Variants in KLHL29 observed in about 807,000 individuals in gnomAD.
KLHL29 encodes kelch-like protein 29.
KLHL29 carries 21 observed loss-of-function variants against 80.4 expected under a neutral mutation model. That is an observed-to-expected ratio of 0.26 (90% CI 0.19 to 0.38). The LOEUF is 0.38. Ranked by LOEUF, KLHL29 falls within the 10% of genes least tolerant of loss-of-function variation. The pLI, the probability that KLHL29 is intolerant of heterozygous loss-of-function variation, is 1.00. For missense variants in KLHL29, 867 were observed against 1,223.9 expected, an observed-to-expected ratio of 0.71 and a Z score of 4.35; for synonymous variants, 511 against 526.8, an observed-to-expected ratio of 0.97 and a Z score of 0.41.
At chr2:23,609,951 T>C (rs1668818345) in intron 3 of KLHL29, among the ~76,000 whole-genome samples, 1 of 152,108 alleles carries the variant, frequency 6.6e-6, no homozygotes, top group Non-Finnish European at 1.5e-5. Flanking sequence ...CACTACTGTC[T>C]TCAGTGACAT....
chr2:23,510,865 A>C (rs1273137252), intron 2 of KLHL29, among the ~76,000 whole-genome samples: 1 of 152,228 alleles, frequency 6.6e-6, no homozygotes, highest in East Asian at 1.9e-4. Flanking sequence ...GGGGGACAGC[A>C]CGTCACTGCC....
At chr2:23,498,207 G>A (rs1231432511) in intron 2 of KLHL29, among the ~76,000 whole-genome samples, 1 of 152,192 alleles carries the variant, frequency 6.6e-6, no homozygotes, top group East Asian at 1.9e-4. Context: ...AGGTTTGTTT[G>A]TTTTGGATGT....
At chr2:23,580,168 A>C (rs1287500107) in intron 3 of KLHL29, among the ~76,000 whole-genome samples, 1 of 151,944 alleles carries the variant, frequency 6.6e-6, no homozygotes, top group Non-Finnish European at 1.5e-5. Flanking sequence ...CAGGAGATCA[A>C]GACCATCCTG....
intron 5 of KLHL29, among the ~76,000 whole-genome samples, chr2:23,671,149 C>T (rs1441786221): frequency 6.6e-6 from 1 of 151,754 alleles, no homozygotes; most frequent in Admixed American, 6.6e-5. Flanking sequence ...GGTAACTAAA[C>T]TGATTGTACT....
intron 3 of KLHL29, among the ~76,000 whole-genome samples, chr2:23,569,615 A>T (rs1278728828): frequency 2.0e-5 from 3 of 151,874 alleles, no homozygotes; most frequent in Non-Finnish European, 4.4e-5. Context: ...CATTTATAAC[A>T]TTTTTTTTAT....
intron 1 of KLHL29, among the ~76,000 whole-genome samples, chr2:23,454,558 C>T (rs1047603526): frequency 3.3e-5 from 5 of 151,940 alleles, no homozygotes; most frequent in African/African-American, 7.3e-5. Context: ...TACAAAATCC[C>T]GGTTTTATTT....
chr2:23,527,658 C>G (rs530194099), intron 2 of KLHL29, among the ~76,000 whole-genome samples: 2 of 152,178 alleles, frequency 1.3e-5, no homozygotes, highest in Admixed American at 1.3e-4. Flanking sequence ...TCAGTGTTCT[C>G]GAGTTCCAAA....
chr2:23,478,824 G>A (rs963573529), intron 2 of KLHL29, among the ~76,000 whole-genome samples: 2 of 152,008 alleles, frequency 1.3e-5, no homozygotes, highest in Admixed American at 6.5e-5. Flanking sequence ...CCTAGATGCC[G>A]CCTGTGTCTT....
intron 2 of KLHL29, among the ~76,000 whole-genome samples, chr2:23,496,335 G>A (rs1456994956): frequency 6.6e-6 from 1 of 152,182 alleles, no homozygotes; most frequent in East Asian, 1.9e-4. Flanking sequence ...ACAATGAAAT[G>A]AACACACATG....
chr2:23,606,166 G>GT (rs1668717962), intron 3 of KLHL29, among the ~76,000 whole-genome samples: 1 of 124,092 alleles, frequency 8.1e-6, no homozygotes, highest in Non-Finnish European at 1.7e-5. Context: ...ATGTGTGTGT[G>GT]TGTGCGTGAG....
Position 23,663,039 on chromosome 2 carries a change from A to G in KLHL29, c.940+20189A>G, listed in dbSNP as rs528555421. Among the ~76,000 whole-genome samples the G allele has an allele frequency of 7.2e-5, 11 of 152,154 alleles. No homozygotes were observed. In the East Asian group the frequency reaches 2.1e-3, roughly 29 times the overall value. Reference sequence around the variant, plus strand: ...GTCATAGAGCTGCCCTGAGGATTCCAAGAGTGGATCTCATCAGCGGTCTCC... The same window carrying G: ...GTCATAGAGCTGCCCTGAGGATTCCGAGAGTGGATCTCATCAGCGGTCTCC... On this transcript the variant is annotated intron_variant, in intron 5 of 13. Transcript: ENST00000486442.
At position 23,590,328 on chromosome 2, in the gene KLHL29, C is replaced by T. The variant is rs528574859; in HGVS notation, c.285+27847C>T. On this transcript the variant is annotated intron_variant, in intron 3 of 13. Transcript: ENST00000486442. ...GCAGAGTTCTAGCTTCTGGTTTTCTCGAAGGCCCTCGGTCGGGCAGGTCCT... is the reference window on the plus strand; with the variant it reads ...GCAGAGTTCTAGCTTCTGGTTTTCTTGAAGGCCCTCGGTCGGGCAGGTCCT... Among the ~76,000 whole-genome samples, 39 of 152,324 alleles carry T rather than the reference C, an allele frequency of 2.6e-4. No individual in the cohort carries two copies. The South Asian group carries it at 7.7e-3, about 30-fold the overall frequency.
intron 1 of KLHL29, among the ~76,000 whole-genome samples, chr2:23,390,442 CA>C (rs1385037120): frequency 1.3e-5 from 2 of 152,084 alleles, no homozygotes; most frequent in African/African-American, 4.8e-5. Context: ...ATTGGCCTCA[CA>C]GGTGTCTATT....
At chr2:23,459,523 A>C (rs956914847) in intron 1 of KLHL29, among the ~76,000 whole-genome samples, 2 of 152,192 alleles carry the variant, frequency 1.3e-5, no homozygotes, top group Admixed American at 1.3e-4. Flanking sequence ...TGATTCGGCA[A>C]AATGGGGAAA....
chr2:23,582,632 T>G (rs565715113), intron 3 of KLHL29, among the ~76,000 whole-genome samples: 3 of 152,328 alleles, frequency 2.0e-5, no homozygotes, highest in African/African-American at 7.2e-5. Flanking sequence ...AACCCTGTTC[T>G]TGGCTCACCT....
chr2:23,697,219 C>G (rs762868846), intron 11 of KLHL29: 1 of 152,270 alleles, frequency 6.6e-6, no homozygotes, highest in African/African-American at 2.4e-5. Context: ...GCATGAGGGG[C>G]GTGGGCTGAA....
At position 23,680,446 on chromosome 2, in the gene KLHL29, A is replaced by T. The variant is rs1405312448; in HGVS notation, c.941-3953A>T. Among the ~76,000 whole-genome samples the T allele has an allele frequency of 1.3e-5, 2 of 152,194 alleles. No homozygotes were observed. The highest frequency in any genetic ancestry group is 2.9e-5 in the Non-Finnish European group (2 of 68,032). ...TTCCGTGAGCAAGGCCAGGGTGTGC[A>T]GTCCCACAGACGTAGGCGGGCATCC... On this transcript the variant is annotated intron_variant, in intron 5 of 13. Coordinates refer to ENST00000486442, the MANE Select transcript of KLHL29 (RefSeq NM_052920.2). This position sits in a 1 kb window ranked among gnomAD's most constrained non-coding sequence, Gnocchi z 4.1.
At chr2:23,558,490 C>G (rs1382787185) in intron 2 of KLHL29, among the ~76,000 whole-genome samples, 3 of 151,226 alleles carry the variant, frequency 2.0e-5, no homozygotes, top group Admixed American at 1.3e-4. Flanking sequence ...CAACCTCCAC[C>G]TCCCGGGTTC....
chr2:23,606,439 C>T (rs1668730867), intron 3 of KLHL29, among the ~76,000 whole-genome samples: 1 of 152,150 alleles, frequency 6.6e-6, no homozygotes, highest in African/African-American at 2.4e-5. Context: ...TTCCCAATTT[C>T]CAACTCAGTT....
Sources: allele counts gnomAD v4.1 joint callset (sites outside exome capture counted in the v4.1 genomes callset), GRCh38; gene constraint gnomAD v4.1.1; non-coding constraint Gnocchi (gnomAD v3.1); transcripts MANE v1.5; gene names NCBI Gene and HGNC (gene_info 2026-07-23, HGNC 2026-07-21).